The following DOCK1 variants were observed in gnomAD, a reference collection of about 807,000 sequenced individuals.
DOCK1 encodes dedicator of cytokinesis protein 1.
In DOCK1, 138 loss-of-function variants were observed where a neutral mutation model predicts 262.7. The ratio of observed to expected loss-of-function variants is 0.53; its 90% CI spans 0.46 to 0.61. DOCK1 has a LOEUF of 0.61. Ranked by LOEUF, DOCK1 falls within the 20% of genes least tolerant of loss-of-function variation. DOCK1 has a pLI of 0.00. For missense variants in DOCK1, 1,908 were observed against 2,370.7 expected (o/e 0.80, Z 4.05); for synonymous variants, 866 against 867.4 (o/e 1.00, Z 0.03).
At chr10:127,312,344 G>C (rs2720987) in intron 29 of DOCK1, among the ~76,000 whole-genome samples, 187 of 152,288 alleles carry the variant, frequency 1.2e-3, no homozygotes, top group African/African-American at 4.3e-3. Context: ...GCACTCCCCA[G>C]TGCACTGGCT....
At chr10:127,146,421 A>C (rs1592218299) in intron 27 of DOCK1, among the ~76,000 whole-genome samples, 2 of 152,196 alleles carry the variant, frequency 1.3e-5, no homozygotes, top group African/African-American at 2.4e-5. Flanking sequence ...GAGGGACATA[A>C]ATAATATATT....
intron 23 of DOCK1, among the ~76,000 whole-genome samples, chr10:127,066,632 G>A (rs1374244349): frequency 1.3e-5 from 2 of 152,198 alleles, no homozygotes; most frequent in East Asian, 3.9e-4. Context: ...ACATCTGGGT[G>A]TGAGGAGCCT....
intron 29 of DOCK1, among the ~76,000 whole-genome samples, chr10:127,281,135 C>T (rs538332121): frequency 3.8e-4 from 58 of 152,316 alleles, no homozygotes; most frequent in African/African-American, 1.2e-3. Flanking sequence ...CAGGGCTTTG[C>T]CTCACTCATA....
At chr10:127,417,021 A>C (rs1413420894) in intron 44 of DOCK1, among the ~76,000 whole-genome samples, 1 of 152,184 alleles carries the variant, frequency 6.6e-6, no homozygotes, top group African/African-American at 2.4e-5. Flanking sequence ...GCCACCTAGG[A>C]GTGCCAGTCT....
At chr10:127,371,762 C>G (rs1173483495) in intron 33 of DOCK1, among the ~76,000 whole-genome samples, 1 of 152,176 alleles carries the variant, frequency 6.6e-6, no homozygotes, top group East Asian at 1.9e-4. Flanking sequence ...ATGGCACCAT[C>G]TGGGAGATGG....
chr10:126,919,681 G>T (rs144038200), intron 1 of DOCK1, among the ~76,000 whole-genome samples: 1 of 152,170 alleles, frequency 6.6e-6, no homozygotes, highest in Non-Finnish European at 1.5e-5. Flanking sequence ...CCCAACCCAG[G>T]CTGGATGACC....
chr10:127,302,410 A>G (rs1323359817), intron 29 of DOCK1, among the ~76,000 whole-genome samples: 1 of 152,092 alleles, frequency 6.6e-6, no homozygotes, highest in East Asian at 1.9e-4. Flanking sequence ...CTGCTCCCTG[A>G]GGGAATTCTG....
At chr10:127,005,186 A>G (rs2040921079) in intron 10 of DOCK1, among the ~76,000 whole-genome samples, 1 of 152,058 alleles carries the variant, frequency 6.6e-6, no homozygotes, top group Admixed American at 6.5e-5. Context: ...AAAAAAACTA[A>G]AAAACAAAAA....
intron 29 of DOCK1, among the ~76,000 whole-genome samples, chr10:127,301,885 G>T (rs1353344793): frequency 6.6e-6 from 1 of 151,102 alleles, no homozygotes. Flanking sequence ...GGTGGAGGTT[G>T]CAGTGAGCTG....
chr10:127,247,257 CCTT>C (rs1243939771), intron 27 of DOCK1, among the ~76,000 whole-genome samples: 4 of 152,126 alleles, frequency 2.6e-5, no homozygotes, highest in Non-Finnish European at 5.9e-5. Flanking sequence ...CTTTTTTCCT[CCTT>C]CTTTTCCTTT....
chr10:127,302,085 C>G (rs1031015153), intron 29 of DOCK1, among the ~76,000 whole-genome samples: 1 of 151,932 alleles, frequency 6.6e-6, no homozygotes, highest in African/African-American at 2.4e-5. Flanking sequence ...CTAGGGTCCT[C>G]TCTGCTTGTA....
chr10:127,025,641 G>C (rs1260626693), intron 15 of DOCK1, among the ~76,000 whole-genome samples: 1 of 151,990 alleles, frequency 6.6e-6, no homozygotes, highest in East Asian at 2.0e-4. Flanking sequence ...GTAGAGTTGG[G>C]GTTTTATCAT....
At chr10:127,135,224 G>A (rs1378901506) in intron 27 of DOCK1, among the ~76,000 whole-genome samples, 1 of 152,228 alleles carries the variant, frequency 6.6e-6, no homozygotes, top group African/African-American at 2.4e-5. Context: ...GGGTGCATAG[G>A]TGGGCAAGCG....
intron 27 of DOCK1, among the ~76,000 whole-genome samples, chr10:127,195,425 C>A (rs1178847461): frequency 6.6e-6 from 1 of 152,066 alleles, no homozygotes; most frequent in East Asian, 1.9e-4. Context: ...CCAACCCCAG[C>A]GAGTGGAGGA....
chr10:127,147,538 C>T (rs536805471), intron 27 of DOCK1, among the ~76,000 whole-genome samples: 2 of 152,258 alleles, frequency 1.3e-5, no homozygotes, highest in Admixed American at 6.5e-5. Flanking sequence ...GAGCTCTGTC[C>T]TTACCCTCAT....
At chr10:127,143,163 A>G (rs1434286816) in intron 27 of DOCK1, among the ~76,000 whole-genome samples, 2 of 152,220 alleles carry the variant, frequency 1.3e-5, no homozygotes, top group East Asian at 3.9e-4. Context: ...AAGATAATTT[A>G]AGAGGAACAC....
chr10:127,071,685 G>A lies in DOCK1; in HGVS notation c.2445+9909G>A, dbSNP rs1180547008. Among the ~76,000 whole-genome samples the A allele has an allele frequency of 5.3e-5, 8 of 152,156 alleles. No individual in the cohort carries two copies. In the East Asian group the frequency reaches 1.2e-3, roughly 22 times the overall value. On this transcript the variant is annotated intron_variant, in intron 23 of 51. Transcript: ENST00000623213. ...GTTCAGAACATGTGCCTGAATTGAT[G>A]TGCAATCATTTGCTTAATCAAATGA...
intron 22 of DOCK1, among the ~76,000 whole-genome samples, chr10:127,059,734 A>T (rs1401081830): frequency 6.6e-6 from 1 of 151,838 alleles, no homozygotes; most frequent in Non-Finnish European, 1.5e-5. Flanking sequence ...AAATATGATT[A>T]TAGTTGTTTT....
At chr10:127,121,793 AT>A (rs1404874607) in intron 25 of DOCK1, among the ~76,000 whole-genome samples, 2 of 152,132 alleles carry the variant, frequency 1.3e-5, no homozygotes, top group African/African-American at 4.8e-5. Context: ...GTATACTGAT[AT>A]TTGTATTATT....
Sources: allele counts gnomAD v4.1 joint callset (sites outside exome capture counted in the v4.1 genomes callset), GRCh38; gene constraint gnomAD v4.1.1; transcripts MANE v1.5; gene names NCBI Gene and HGNC (gene_info 2026-07-23, HGNC 2026-07-21).